VWA5B1: variants seen among roughly 807,000 people sequenced by gnomAD.
The protein encoded by VWA5B1 is von Willebrand factor A domain containing 5B1.
VWA5B1 carries 115 observed loss-of-function variants against 118.2 expected under a neutral mutation model. That is an observed-to-expected ratio of 0.97 (90% CI 0.84 to 1.14). The LOEUF is 1.14. VWA5B1 is among the 50% of genes most tolerant of loss of function. The pLI, the probability that VWA5B1 is intolerant of heterozygous loss-of-function variation, is 0.00. For synonymous variants in VWA5B1, 682 were observed against 658.4 expected (o/e 1.04, Z -0.55); for missense variants, 1,596 against 1,603.8 (o/e 1.00, Z 0.08).
chr1:20,352,255 C>G (rs1406053249), intron 21 of VWA5B1, 83 bp downstream of exon 21: 4 of 1,042,630 alleles, frequency 3.8e-6, no homozygotes, highest in Non-Finnish European at 4.2e-6. Context: ...GCCCACCTCT[C>G]CACTTCCTCA....
At chr1:20,298,530 C>G (rs1243765942) in intron 1 of VWA5B1, among the ~76,000 whole-genome samples, 1 of 152,132 alleles carries the variant, frequency 6.6e-6, no homozygotes, top group African/African-American at 2.4e-5. Flanking sequence ...CTCACCTTCA[C>G]AGTCAGCCAG....
chr1:20,329,284 T>C (rs1296635455), intron 9 of VWA5B1, among the ~76,000 whole-genome samples: 2 of 141,042 alleles, frequency 1.4e-5, no homozygotes, highest in African/African-American at 5.2e-5. Context: ...TTTTTTCTTT[T>C]CCCTTTTTTT....
chr1:20,352,016 G>A (rs2090139786), intron 20 of VWA5B1, 39 bp from the exon 21 acceptor site: 3 of 1,515,014 alleles, frequency 2.0e-6, no homozygotes, highest in Non-Finnish European at 2.7e-6. Context: ...GGGCACTGGA[G>A]GTTGGGATGC....
At chr1:20,307,346 T>G (rs1377993059) in intron 1 of VWA5B1, among the ~76,000 whole-genome samples, 2 of 152,168 alleles carry the variant, frequency 1.3e-5, no homozygotes, top group Non-Finnish European at 2.9e-5. Flanking sequence ...GAATCTACTC[T>G]GGTCCTCATG....
chr1:20,318,277 G>A (rs746493226), intron 5 of VWA5B1: 9 of 399,564 alleles, frequency 2.3e-5, no homozygotes, highest in Admixed American at 3.9e-5. Context: ...AGCACCCTCC[G>A]ACGGAGCGCT....
chr1:20,291,355 T>TCTCTCTC, intron 1 of VWA5B1, among the ~76,000 whole-genome samples: 1 of 69,896 alleles, frequency 1.4e-5, no homozygotes, highest in East Asian at 5.4e-4. Flanking sequence ...CTTTCTTTCT[T>TCTCTCTC]TCTTTCTCTC....
intron 1 of VWA5B1, among the ~76,000 whole-genome samples, chr1:20,307,411 C>T (rs151089931): frequency 5.5e-4 from 84 of 152,356 alleles, no homozygotes; most frequent in African/African-American, 1.6e-3. Flanking sequence ...AAGTCCTACA[C>T]GCACACCCAT....
chr1:20,317,632 G>T lies in VWA5B1; in HGVS notation c.666G>T (p.Glu222Asp). The T allele has an allele frequency of 1.9e-6, 3 of 1,551,732 alleles. No homozygotes were observed. The highest frequency in any genetic ancestry group is 2.6e-6 in the Non-Finnish European group (3 of 1,146,924). ...AAGTGTCCAACCCCATGGAGTATGA[G>T]TTCAACTTCCAGCTGGAGATCCGTG... ...NTEVSNPMEY[E>D]FNFQLEIRGP... The change falls in exon 5 of 22, where the codon GAG becomes GAT. Residue 222 changes from glutamate to aspartate, a missense_variant. By Grantham distance (45) the Glu-to-Asp change is conservative. Coordinates refer to ENST00000289815, the MANE Select transcript of VWA5B1 (RefSeq NM_001039500.3).
chr1:20,297,138 T>C (rs12080654), intron 1 of VWA5B1, among the ~76,000 whole-genome samples: 21,572 of 152,192 alleles, frequency 0.14, 2,379 homozygotes, highest in African/African-American at 0.31. Context: ...TCTCACCTTC[T>C]TCCACCTCTT....
chr1:20,347,978 C>A (rs2090042954), intron 17 of VWA5B1, among the ~76,000 whole-genome samples: 1 of 152,182 alleles, frequency 6.6e-6, no homozygotes, highest in African/African-American at 2.4e-5. Flanking sequence ...ATCTACCCAG[C>A]AAGCTAGATA....
intron 15 of VWA5B1, 92 bp from the exon 16 acceptor site, chr1:20,342,987 G>A: frequency 6.9e-7 from 1 of 1,450,410 alleles, no homozygotes; most frequent in Non-Finnish European, 9.1e-7. Flanking sequence ...TTGCTTAGAA[G>A]TGTCTGCTCC....
Position 20,309,977 on chromosome 1 carries a change from G to T in VWA5B1, c.-26-599G>T, listed in dbSNP as rs888053938. Among the ~76,000 whole-genome samples, 7 of 150,330 alleles carry T rather than the reference G, an allele frequency of 4.7e-5. No homozygotes were observed. In the South Asian group the frequency reaches 1.5e-3, roughly 32 times the overall value. On this transcript the variant is annotated intron_variant, in intron 1 of 21. Transcript: ENST00000289815. ...TGTGTTGCGGGCGTGGGGGTGGGGG[G>T]TGGTGAGAAGGAGGTGCAGGAATGA...
intron 1 of VWA5B1, among the ~76,000 whole-genome samples, chr1:20,297,327 T>A (rs1470102911): frequency 1.3e-5 from 2 of 152,264 alleles, no homozygotes; most frequent in African/African-American, 4.8e-5. Context: ...CGGAGGCTCC[T>A]TGGGGGCACA....
chr1:20,344,185 C>T (rs937446525), intron 16 of VWA5B1, among the ~76,000 whole-genome samples: 4 of 151,696 alleles, frequency 2.6e-5, no homozygotes, highest in African/African-American at 9.7e-5. Flanking sequence ...TCTTCCACCC[C>T]CATTCAGTGA....
intron 9 of VWA5B1, among the ~76,000 whole-genome samples, chr1:20,328,796 T>A (rs1557853742): frequency 6.6e-6 from 1 of 152,180 alleles, no homozygotes; most frequent in African/African-American, 2.4e-5. Context: ...TCCACAATGT[T>A]TAAATGTACA....
intron 1 of VWA5B1, 92 bp from the exon 2 acceptor site, chr1:20,310,484 C>G: frequency 8.1e-7 from 1 of 1,235,672 alleles, no homozygotes; most frequent in Non-Finnish European, 1.1e-6. Flanking sequence ...CAATGATGCT[C>G]TGATTGCTTG....
chr1:20,308,354 C>T (rs1035513163), intron 1 of VWA5B1, among the ~76,000 whole-genome samples: 20 of 152,168 alleles, frequency 1.3e-4, no homozygotes, highest in Non-Finnish European at 8.8e-5. Context: ...AAGATGCCTT[C>T]GGCAGAATCT....
At chr1:20,301,790 C>A (rs1179268280) in intron 1 of VWA5B1, among the ~76,000 whole-genome samples, 1 of 152,166 alleles carries the variant, frequency 6.6e-6, no homozygotes, top group African/African-American at 2.4e-5. Context: ...TGCAAACATG[C>A]CCCCAGAAAG....
chr1:20,316,519 C>T (rs2100859354), intron 4 of VWA5B1, among the ~76,000 whole-genome samples: 1 of 152,164 alleles, frequency 6.6e-6, no homozygotes, highest in Non-Finnish European at 1.5e-5. Context: ...ACAATCACAC[C>T]CAAATGCTGC....
Sources: allele counts gnomAD v4.1 joint callset (sites outside exome capture counted in the v4.1 genomes callset), GRCh38; gene constraint gnomAD v4.1.1; transcripts MANE v1.5; gene names NCBI Gene and HGNC (gene_info 2026-07-23, HGNC 2026-07-21).